Variants in CFAP44 observed in about 807,000 individuals in gnomAD.
The protein encoded by CFAP44 is cilia and flagella associated protein 44, also known as cilia- and flagella-associated protein 44.
Under a neutral mutation model 216.2 loss-of-function variants are expected in CFAP44, and 134 were observed. The observed-to-expected ratio is 0.62, with a 90% CI of 0.54 to 0.72. CFAP44 has a LOEUF of 0.72. Ranked by LOEUF, CFAP44 falls within the 30% of genes least tolerant of loss-of-function variation. CFAP44 has a pLI of 0.00. For synonymous variants in CFAP44, 700 were observed against 727.6 expected (o/e 0.96, Z 0.61); for missense variants, 2,035 against 2,182.1 (o/e 0.93, Z 1.34).
chr3:113,399,059 C>A (rs1191033904), intron 13 of CFAP44, among the ~76,000 whole-genome samples: 1 of 152,172 alleles, frequency 6.6e-6, no homozygotes, highest in East Asian at 1.9e-4. Flanking sequence ...TGTGACTGTC[C>A]TGAGGCTTCC....
chr3:113,374,222 G>A (rs1421292057), intron 17 of CFAP44, among the ~76,000 whole-genome samples: 3 of 151,902 alleles, frequency 2.0e-5, no homozygotes, highest in Non-Finnish European at 2.9e-5. Context: ...CTCTCCCACT[G>A]AGAACAACCA....
chr3:113,429,788 T>C (rs1935056559), intron 2 of CFAP44, among the ~76,000 whole-genome samples: 1 of 152,182 alleles, frequency 6.6e-6, no homozygotes, highest in African/African-American at 2.4e-5. Context: ...TTTAAATTTC[T>C]GTTGGCTTTT....
chr3:113,347,331 A>C (rs1304894338), intron 22 of CFAP44, among the ~76,000 whole-genome samples: 1 of 152,176 alleles, frequency 6.6e-6, no homozygotes, highest in African/African-American at 2.4e-5. Flanking sequence ...AAGTTGGTTG[A>C]CCCTGTAGCC....
chr3:113,322,085 A>G (rs907250372), intron 28 of CFAP44, among the ~76,000 whole-genome samples: 22 of 152,352 alleles, frequency 1.4e-4, no homozygotes, highest in Admixed American at 4.6e-4. Context: ...AAGATAATCC[A>G]CAAAGCTGGA....
intron 4 of CFAP44, among the ~76,000 whole-genome samples, chr3:113,424,106 T>C (rs1344301428): frequency 6.6e-6 from 1 of 152,144 alleles, no homozygotes; most frequent in Non-Finnish European, 1.5e-5. Context: ...CTAAACTTGA[T>C]TTAACATTGC....
intron 2 of CFAP44, among the ~76,000 whole-genome samples, chr3:113,428,239 G>A (rs1935014561): frequency 1.3e-5 from 2 of 152,192 alleles, no homozygotes; most frequent in South Asian, 4.1e-4. Flanking sequence ...TCAAGATTAG[G>A]GCACTACAAG....
chr3:113,326,476 C>T lies in CFAP44; in HGVS notation c.4485G>A (p.Arg1495=). The change falls in exon 28 of 35, where the codon CGG becomes CGA. Residue 1495 remains arginine, a synonymous_variant. Coordinates refer to ENST00000393845, the MANE Select transcript of CFAP44 (RefSeq NM_001164496.2). ...LMKVLKKKIK[R]VKKKEVEGDA... ...CTCCTTCAACTTCTTTTTTCTTTAC[C>T]CGTTTAATCTTCTTCTTTAGGACCT... 2 of 1,504,402 alleles carry T rather than the reference C, an allele frequency of 1.3e-6. No homozygotes were observed. The highest frequency in any genetic ancestry group is 2.3e-5 in the Admixed American group (1 of 42,740). 93.2% of individuals were successfully genotyped at this position (1,504,402 alleles called of 1,614,324 possible). A position where few individuals can be genotyped will look rare whatever the true frequency, so the allele number is the denominator to read the frequency against.
intron 28 of CFAP44, among the ~76,000 whole-genome samples, chr3:113,312,073 GTTTT>G (rs199653080): frequency 3.9e-5 from 5 of 126,828 alleles, no homozygotes; most frequent in Admixed American, 3.9e-4. Flanking sequence ...GTGTGTGTGT[GTTTT>G]TTTTTTTTTT....
At chr3:113,365,902 A>G in intron 19 of CFAP44, 137 bp downstream of exon 19, 2 of 953,952 alleles carry the variant, frequency 2.1e-6, no homozygotes, top group Non-Finnish European at 3.0e-6. Flanking sequence ...AAGTCAAATT[A>G]TAATAGTAGC....
chr3:113,309,519 C>T (rs781674805), intron 28 of CFAP44, among the ~76,000 whole-genome samples: 3 of 152,018 alleles, frequency 2.0e-5, no homozygotes, highest in Non-Finnish European at 4.4e-5. Context: ...AATATCATAT[C>T]ATATATAATA....
At chr3:113,394,464 C>T (rs924228513) in intron 15 of CFAP44, among the ~76,000 whole-genome samples, 1 of 152,178 alleles carries the variant, frequency 6.6e-6, no homozygotes, top group African/African-American at 2.4e-5. Context: ...CTATCACTCC[C>T]CTCACCTGAA....
chr3:113,377,874 ATCT>A (rs1370563738), intron 17 of CFAP44, among the ~76,000 whole-genome samples: 1 of 152,004 alleles, frequency 6.6e-6, no homozygotes, highest in Admixed American at 6.6e-5. Context: ...AATGGTCTTG[ATCT>A]TCTGACCTCG....
chr3:113,313,350 C>A (rs918852494), intron 28 of CFAP44, among the ~76,000 whole-genome samples: 2 of 152,054 alleles, frequency 1.3e-5, no homozygotes, highest in South Asian at 2.1e-4. Context: ...CCTGTAGCCC[C>A]ATATTATGTA....
In CFAP44 at chr3:113,361,068, C is replaced by T. The variant is rs895589417; in HGVS notation, c.2934+2077G>A. 4.6e-5 allele frequency: 11 copies of T among 238,754 alleles called. No homozygotes were observed. In the South Asian group the frequency reaches 6.9e-4, roughly 15 times the overall value. 14.8% of individuals were successfully genotyped at this position (238,754 alleles called of 1,614,324 possible). On this transcript the variant is annotated intron_variant, in intron 21 of 34. Coordinates refer to ENST00000393845, the MANE Select transcript of CFAP44 (RefSeq NM_001164496.2). ...CTGGCTATTACCAAGTCAGTTGCAT[C>T]AAGTAAATTATGATTTACTTGGTTA...
At chr3:113,369,669 C>G (rs1933082834) in intron 18 of CFAP44, among the ~76,000 whole-genome samples, 1 of 152,106 alleles carries the variant, frequency 6.6e-6, no homozygotes, top group African/African-American at 2.4e-5. Context: ...ATTAAAAGAA[C>G]TAGAGAAGCA....
chr3:113,324,230 A>C (rs763966222), intron 28 of CFAP44, among the ~76,000 whole-genome samples: 17 of 152,142 alleles, frequency 1.1e-4, no homozygotes, highest in Non-Finnish European at 1.8e-4. Flanking sequence ...CAGAAAATCA[A>C]ATGGAAAAGA....
chr3:113,358,670 C>G (rs1950512719), intron 22 of CFAP44, 75 bp downstream of exon 22: 1 of 1,485,962 alleles, frequency 6.7e-7, no homozygotes, highest in Non-Finnish European at 8.9e-7. Context: ...GGCCACTTCA[C>G]TGACACTACT....
At chr3:113,427,408 A>G in intron 2 of CFAP44, 69 bp from the exon 3 acceptor site, 1 of 1,237,954 alleles carries the variant, frequency 8.1e-7, no homozygotes, top group Non-Finnish European at 1.1e-6. Flanking sequence ...AGTAGCTAAA[A>G]CTTCCAATTT....
intron 26 of CFAP44, among the ~76,000 whole-genome samples, chr3:113,328,500 C>A (rs1950208516): frequency 6.7e-6 from 1 of 150,320 alleles, no homozygotes; most frequent in South Asian, 2.1e-4. Context: ...AAGAGAGAGC[C>A]CCAAGGGCTG....
Sources: gnomAD v4.1 joint callset for allele counts (sites outside exome capture counted in the v4.1 genomes callset) on GRCh38, gnomAD v4.1.1 for gene constraint, MANE v1.5 for transcripts, NCBI Gene and HGNC (gene_info 2026-07-23, HGNC 2026-07-21) for gene names.